The following DPP6 variants were observed in gnomAD, a reference collection of about 807,000 sequenced individuals.
DPP6 encodes dipeptidyl peptidase like 6.
Under a neutral mutation model 122.6 loss-of-function variants are expected in DPP6, and 69 were observed. The observed-to-expected ratio is 0.56, with a 90% confidence interval of 0.46 to 0.69. The LOEUF is 0.69. Ranked by LOEUF, DPP6 falls within the 30% of genes least tolerant of loss-of-function variation. DPP6 has a pLI of 0.00. For missense variants in DPP6, 928 were observed against 1,116.9 expected (o/e 0.83, Z 2.41); for synonymous variants, 418 against 433.1 (o/e 0.97, Z 0.43).
chr7:154,249,880 A>G (rs987677665), intron 1 of DPP6, among the ~76,000 whole-genome samples: 2 of 152,154 alleles, frequency 1.3e-5, no homozygotes, highest in Non-Finnish European at 2.9e-5. Context: ...CTTATGCCCA[A>G]TTTCTGCCTC....
chr7:153,840,827 T>C, the DPP6 span, among the ~76,000 whole-genome samples: 2 of 152,238 alleles, frequency 1.3e-5, no homozygotes, highest in African/African-American at 4.8e-5. Flanking sequence ...AATATTTGCC[T>C]CTAGCAATAA....
chr7:154,234,419 A>T (rs1801083579), intron 1 of DPP6, among the ~76,000 whole-genome samples: 1 of 152,130 alleles, frequency 6.6e-6, no homozygotes, highest in African/African-American at 2.4e-5. Flanking sequence ...TCTATGGTTA[A>T]CTTGCTAAAC....
At chr7:154,323,064 C>CAA (rs35988110) in intron 1 of DPP6, among the ~76,000 whole-genome samples, 1 of 138,148 alleles carries the variant, frequency 7.2e-6, no homozygotes, top group African/African-American at 2.7e-5. Flanking sequence ...TAGCCCTGTT[C>CAA]AAAAAAAAAA....
the DPP6 span, among the ~76,000 whole-genome samples, chr7:153,861,442 T>C: frequency 1.3e-5 from 2 of 152,178 alleles, no homozygotes; most frequent in Non-Finnish European, 2.9e-5. Flanking sequence ...ATTCAAAAGA[T>C]GCATATGTTT....
At chr7:153,878,604 C>T in the DPP6 span, among the ~76,000 whole-genome samples, 5 of 152,014 alleles carry the variant, frequency 3.3e-5, no homozygotes, top group Non-Finnish European at 5.9e-5. Flanking sequence ...GTGATTTTCT[C>T]AGGGGAGAAA....
chr7:154,583,186 C>T (rs1198624606), intron 5 of DPP6, among the ~76,000 whole-genome samples: 1 of 152,268 alleles, frequency 6.6e-6, no homozygotes, highest in Admixed American at 6.5e-5. Context: ...CAAAATACCA[C>T]AGACTGGGCA....
chr7:153,824,894 CA>C, the DPP6 span, among the ~76,000 whole-genome samples: 1 of 152,076 alleles, frequency 6.6e-6, no homozygotes, highest in Admixed American at 6.5e-5. Flanking sequence ...TATCTACACC[CA>C]AAGTTTGGCT....
At chr7:154,310,836 C>T (rs144354571) in intron 1 of DPP6, among the ~76,000 whole-genome samples, 1 of 152,294 alleles carries the variant, frequency 6.6e-6, no homozygotes, top group African/African-American at 2.4e-5. Context: ...GTCACCGTCT[C>T]TGCCTCATCG....
At chr7:153,875,275 A>T in the DPP6 span, among the ~76,000 whole-genome samples, 2 of 152,190 alleles carry the variant, frequency 1.3e-5, no homozygotes, top group Admixed American at 1.3e-4. Context: ...CTTCTTCAAA[A>T]CAAAGGAAAA....
chr7:154,184,781 T>C (rs1278856732), intron 1 of DPP6, among the ~76,000 whole-genome samples: 1 of 152,220 alleles, frequency 6.6e-6, no homozygotes, highest in Non-Finnish European at 1.5e-5. Context: ...TCGTGCCTGT[T>C]TGATGCCTTA....
In DPP6 at chr7:154,066,424, T is replaced by A. The variant is rs574742239; in HGVS notation, c.243+13361T>A. Among the ~76,000 whole-genome samples the A allele has an allele frequency of 9.2e-5, 14 of 152,318 alleles. No homozygotes were observed. In the East Asian group the frequency reaches 2.3e-3, roughly 25 times the overall value. On this transcript the variant is annotated intron_variant, in intron 1 of 25. Coordinates refer to ENST00000377770, the MANE Select transcript of DPP6 (RefSeq NM_130797.4). ...GACTTGTCCCTACTGAACAGAGCCC[T>A]CTGCTGTTGTGCCCTGGAGCCAGGT...
intron 1 of DPP6, among the ~76,000 whole-genome samples, chr7:154,443,374 C>T (rs1191971450): frequency 6.6e-6 from 1 of 152,144 alleles, no homozygotes; most frequent in Admixed American, 6.5e-5. Context: ...AAATGAAAGC[C>T]ATTCAACTTC....
chr7:154,608,918 A>C (rs1021213028), intron 5 of DPP6, among the ~76,000 whole-genome samples: 4 of 152,134 alleles, frequency 2.6e-5, no homozygotes. Flanking sequence ...TTCTAGTTCC[A>C]GTCCCGTTTT....
At chr7:153,927,039 TG>T (rs1394318381) in intron 1 of DPP6, among the ~76,000 whole-genome samples, 1 of 152,036 alleles carries the variant, frequency 6.6e-6, no homozygotes, top group Non-Finnish European at 1.5e-5. Flanking sequence ...AATAATTGGC[TG>T]GGCATGGTGA....
the DPP6 span, among the ~76,000 whole-genome samples, chr7:153,786,991 G>A: frequency 5.2e-3 from 753 of 145,704 alleles, 22 homozygotes; most frequent in African/African-American, 0.017. Context: ...TCGCTCTGTC[G>A]CCCGGGCTGG....
chr7:153,999,889 G>C (rs1352101958), intron 1 of DPP6, among the ~76,000 whole-genome samples: 1 of 152,028 alleles, frequency 6.6e-6, no homozygotes, highest in Non-Finnish European at 1.5e-5. Context: ...AGCCCGGGGA[G>C]GGGGAGGTTA....
At chr7:153,920,824 G>T (rs2129008348) in intron 1 of DPP6, among the ~76,000 whole-genome samples, 1 of 152,110 alleles carries the variant, frequency 6.6e-6, no homozygotes, top group East Asian at 1.9e-4. Flanking sequence ...CTCCCAAAGT[G>T]CTGGGATTAC....
At chr7:154,849,119 GA>G in intron 16 of DPP6, among the ~76,000 whole-genome samples, 2 of 152,008 alleles carry the variant, frequency 1.3e-5, no homozygotes, top group Admixed American at 1.3e-4. Flanking sequence ...TATTCTTTTT[GA>G]ACAAGATTGC....
intron 1 of DPP6, among the ~76,000 whole-genome samples, chr7:153,900,773 G>C (rs1445748759): frequency 6.6e-6 from 1 of 152,152 alleles, no homozygotes; most frequent in Non-Finnish European, 1.5e-5. Context: ...CCCAAAAGCT[G>C]AAAGTGCCAT....
Sources: allele counts gnomAD v4.1 joint callset (sites outside exome capture counted in the v4.1 genomes callset), GRCh38; gene constraint gnomAD v4.1.1; transcripts MANE v1.5; gene names NCBI Gene and HGNC (gene_info 2026-07-23, HGNC 2026-07-21).